Variants in DPYD observed in about 807,000 individuals in gnomAD.
The protein encoded by DPYD is dihydropyrimidine dehydrogenase.
Under a neutral mutation model 116.2 loss-of-function variants are expected in DPYD, and 109 were observed. The ratio of observed to expected loss-of-function variants is 0.94; its 90% CI spans 0.80 to 1.10. The LOEUF (loss-of-function observed/expected upper bound fraction) is 1.10. DPYD is among the 50% of genes least tolerant of loss of function. The pLI is 0.00. For synonymous variants in DPYD, 440 were observed against 432.0 expected (o/e 1.02, Z -0.23); for missense variants, 1,302 against 1,254.5 (o/e 1.04, Z -0.57).
intron 3 of DPYD, among the ~76,000 whole-genome samples, chr1:97,815,081 G>T (rs1557982756): frequency 7.0e-6 from 1 of 143,354 alleles, no homozygotes; most frequent in Non-Finnish European, 1.5e-5. Context: ...GAAAAGAGAA[G>T]AAAGAAAAGA....
chr1:97,537,432 G>A (rs978490789), intron 12 of DPYD, among the ~76,000 whole-genome samples: 7 of 152,090 alleles, frequency 4.6e-5, no homozygotes, highest in Non-Finnish European at 7.4e-5. Context: ...TCTTCAGAAA[G>A]ATAATTCCTT....
chr1:97,655,084 TGA>T (rs988966668), intron 8 of DPYD, among the ~76,000 whole-genome samples: 1 of 152,114 alleles, frequency 6.6e-6, no homozygotes, highest in Non-Finnish European at 1.5e-5. Context: ...CAATTCAAGA[TGA>T]GGTTTGGGTG....
At chr1:97,363,048 T>C (rs12123145) in intron 16 of DPYD, among the ~76,000 whole-genome samples, 34,421 of 152,114 alleles carry the variant, frequency 0.23, 4,515 homozygotes, top group Middle Eastern at 0.36. Context: ...TTCTGCAATC[T>C]ACCCATCTGA....
intron 19 of DPYD, among the ~76,000 whole-genome samples, chr1:97,200,585 G>A (rs951869663): frequency 6.6e-6 from 1 of 152,122 alleles, no homozygotes; most frequent in Non-Finnish European, 1.5e-5. Flanking sequence ...AACCTATTTT[G>A]ATAAGCACAT....
intron 13 of DPYD, among the ~76,000 whole-genome samples, chr1:97,474,714 A>C (rs1450795944): frequency 6.6e-6 from 1 of 152,004 alleles, no homozygotes; most frequent in African/African-American, 2.4e-5. Flanking sequence ...ATAATGTAGA[A>C]AATGCATGTA....
At chr1:97,640,754 A>C (rs1657843910) in intron 8 of DPYD, among the ~76,000 whole-genome samples, 1 of 152,150 alleles carries the variant, frequency 6.6e-6, no homozygotes, top group South Asian at 2.1e-4. Flanking sequence ...TACTGCCATG[A>C]AGTTCCTGCC....
At chr1:97,540,277 T>A (rs1211873146) in intron 12 of DPYD, among the ~76,000 whole-genome samples, 1 of 135,798 alleles carries the variant, frequency 7.4e-6, no homozygotes. Context: ...CCACAACCCC[T>A]TCTTCGGGTT....
At chr1:97,657,796 T>C (rs1659026472) in intron 8 of DPYD, among the ~76,000 whole-genome samples, 1 of 152,196 alleles carries the variant, frequency 6.6e-6, no homozygotes, top group African/African-American at 2.4e-5. Flanking sequence ...ATATTTATTA[T>C]ATAACTAGCA....
intron 20 of DPYD, among the ~76,000 whole-genome samples, chr1:97,137,381 G>A (rs1328137869): frequency 6.6e-6 from 1 of 152,090 alleles, no homozygotes; most frequent in African/African-American, 2.4e-5. Flanking sequence ...CCAATACTTT[G>A]GGTAGTAATG....
intron 20 of DPYD, among the ~76,000 whole-genome samples, chr1:97,159,524 G>A (rs1393531423): frequency 6.6e-6 from 1 of 151,896 alleles, no homozygotes; most frequent in Admixed American, 6.6e-5. Flanking sequence ...GAGAAATAAT[G>A]ACTAAATATT....
At chr1:97,424,399 C>T (rs1674750947) in intron 14 of DPYD, among the ~76,000 whole-genome samples, 1 of 151,854 alleles carries the variant, frequency 6.6e-6, no homozygotes, top group African/African-American at 2.4e-5. Flanking sequence ...GGTCAGAATA[C>T]TACTGGGAAA....
chr1:97,718,798 C>T (rs1189605272), intron 5 of DPYD, among the ~76,000 whole-genome samples: 1 of 151,358 alleles, frequency 6.6e-6, no homozygotes, highest in Non-Finnish European at 1.5e-5. Context: ...CAATGAGAGT[C>T]TAGGTGGTCT....
intron 7 of DPYD, among the ~76,000 whole-genome samples, chr1:97,691,043 C>G (rs1660985168): frequency 6.6e-6 from 1 of 151,888 alleles, no homozygotes; most frequent in Non-Finnish European, 1.5e-5. Flanking sequence ...TGTGTTATAT[C>G]TATTATGAAA....
At chr1:97,666,293 C>T (rs908193619) in intron 8 of DPYD, among the ~76,000 whole-genome samples, 9 of 152,008 alleles carry the variant, frequency 5.9e-5, no homozygotes, top group African/African-American at 2.2e-4. Flanking sequence ...CCACTTCAGC[C>T]TATTGAATAG....
chr1:97,762,719 C>A (rs561927349), intron 3 of DPYD, among the ~76,000 whole-genome samples: 2 of 152,080 alleles, frequency 1.3e-5, no homozygotes, highest in Non-Finnish European at 2.9e-5. Context: ...ATATAATTGT[C>A]TTTTTTTCCC....
chr1:97,280,084 T>C (rs1665212868), intron 18 of DPYD: 1 of 152,166 alleles, frequency 6.6e-6, no homozygotes, highest in Non-Finnish European at 1.5e-5. Flanking sequence ...CTCAATCTCC[T>C]CTGCAATAAA....
intron 20 of DPYD, among the ~76,000 whole-genome samples, chr1:97,148,260 G>GGT (rs1557893187): frequency 1.0e-4 from 15 of 149,064 alleles, no homozygotes; most frequent in African/African-American, 3.7e-4. Context: ...GTGTGGGGGG[G>GGT]GTGTGTGTGT....
chr1:97,634,441 C>A (rs894067436), intron 8 of DPYD, among the ~76,000 whole-genome samples: 3 of 151,604 alleles, frequency 2.0e-5, no homozygotes, highest in African/African-American at 4.8e-5. Flanking sequence ...ATTTATGACA[C>A]AAAAAGAAAA....
At chr1:97,887,018 T>C (rs1213104088) in intron 1 of DPYD, among the ~76,000 whole-genome samples, 1 of 151,690 alleles carries the variant, frequency 6.6e-6, no homozygotes, top group Non-Finnish European at 1.5e-5. Flanking sequence ...AAGATCTGGG[T>C]GTGACATTAC....
Sources: gnomAD v4.1 joint callset for allele counts (sites outside exome capture counted in the v4.1 genomes callset) on GRCh38, gnomAD v4.1.1 for gene constraint, MANE v1.5 for transcripts, NCBI Gene and HGNC (gene_info 2026-07-23, HGNC 2026-07-21) for gene names.